Variants in SLC9A9 observed in about 807,000 individuals in gnomAD.
The protein encoded by SLC9A9 is sodium/hydrogen exchanger 9.
In SLC9A9, 62 loss-of-function variants were observed where a neutral mutation model predicts 77.8. The observed-to-expected ratio is 0.80, with a 90% CI of 0.65 to 0.98. The LOEUF is 0.98. Among genes scored for constraint, SLC9A9 ranks in the 50% least tolerant of loss-of-function variants. SLC9A9 has a pLI of 0.00. For synonymous variants in SLC9A9, 320 were observed against 283.5 expected (o/e 1.13, Z -1.29); for missense variants, 775 against 774.9 (o/e 1.00, Z 0.00).
chr3:143,708,695 T>A (rs1934060029), intron 4 of SLC9A9, among the ~76,000 whole-genome samples: 2 of 152,206 alleles, frequency 1.3e-5, no homozygotes, highest in Admixed American at 6.5e-5. Flanking sequence ...AATATTCTTA[T>A]GTGACTAATT....
chr3:143,669,559 T>C (rs2039126138), intron 5 of SLC9A9, among the ~76,000 whole-genome samples: 1 of 152,230 alleles, frequency 6.6e-6, no homozygotes, highest in Non-Finnish European at 1.5e-5. Context: ...TTATCTATTA[T>C]TGTGTCCAAT....
intron 6 of SLC9A9, among the ~76,000 whole-genome samples, chr3:143,629,422 T>G (rs1534161): frequency 7.9e-5 from 12 of 152,020 alleles, no homozygotes; most frequent in Non-Finnish European, 1.2e-4. Flanking sequence ...AATTATGATA[T>G]GTGCTACGAT....
chr3:143,644,532 A>G (rs950659453), intron 6 of SLC9A9, among the ~76,000 whole-genome samples: 8 of 152,228 alleles, frequency 5.3e-5, no homozygotes, highest in African/African-American at 1.7e-4. Context: ...ACCAGGGAAC[A>G]GGAATGAGAG....
Position 143,816,521 on chromosome 3 carries a change from T to G in SLC9A9, c.378+15498A>C, listed in dbSNP as rs546675864. Among the ~76,000 whole-genome samples the G allele has an allele frequency of 5.3e-5, 8 of 152,380 alleles. No homozygotes were observed. In the South Asian group the frequency reaches 1.7e-3, roughly 32 times the overall value. ...ATTAATATACAAGTGATCTCATCCATTCACTTAAACTGCTGTGTAATGTTC... is the reference window on the plus strand; with the variant it reads ...ATTAATATACAAGTGATCTCATCCAGTCACTTAAACTGCTGTGTAATGTTC... On this transcript the variant is annotated intron_variant, in intron 2 of 15. Coordinates refer to ENST00000316549, the MANE Select transcript of SLC9A9 (RefSeq NM_173653.4).
chr3:143,746,949 T>C (rs919582311), intron 4 of SLC9A9, among the ~76,000 whole-genome samples: 14 of 152,190 alleles, frequency 9.2e-5, no homozygotes, highest in Admixed American at 5.2e-4. Flanking sequence ...AGTTTAATTG[T>C]TTTTTCCTTC....
chr3:143,616,897 T>A (rs1010587834), intron 6 of SLC9A9, among the ~76,000 whole-genome samples: 1 of 152,130 alleles, frequency 6.6e-6, no homozygotes, highest in Non-Finnish European at 1.5e-5. Flanking sequence ...ATAAATTAGA[T>A]ACTAGATAAG....
chr3:143,766,549 G>A (rs1392340699), intron 4 of SLC9A9, among the ~76,000 whole-genome samples: 1 of 152,062 alleles, frequency 6.6e-6, no homozygotes, highest in Non-Finnish European at 1.5e-5. Flanking sequence ...TTTCTTAGCT[G>A]TAGGTGGAGG....
chr3:143,513,581 T>C (rs181884174), intron 9 of SLC9A9, among the ~76,000 whole-genome samples: 26 of 152,334 alleles, frequency 1.7e-4, no homozygotes, highest in Admixed American at 1.7e-3. Context: ...CTTAATAGCA[T>C]TTAGAATGGT....
At chr3:143,342,589 C>G (rs888439404) in intron 14 of SLC9A9, among the ~76,000 whole-genome samples, 5 of 152,190 alleles carry the variant, frequency 3.3e-5, no homozygotes, top group African/African-American at 1.2e-4. Context: ...GAGCAGGACT[C>G]ACAAATAAAA....
intron 12 of SLC9A9, among the ~76,000 whole-genome samples, chr3:143,408,009 T>C (rs1028553901): frequency 3.9e-5 from 6 of 152,178 alleles, no homozygotes; most frequent in African/African-American, 1.2e-4. Context: ...GCTTTTCTTG[T>C]GGGTTGCAGA....
At chr3:143,636,796 G>A (rs1388888125) in intron 6 of SLC9A9, among the ~76,000 whole-genome samples, 1 of 152,180 alleles carries the variant, frequency 6.6e-6, no homozygotes, top group Non-Finnish European at 1.5e-5. Flanking sequence ...CAGTGAGCCT[G>A]ACAACATGCA....
At chr3:143,576,968 C>T (rs952515703) in intron 7 of SLC9A9, among the ~76,000 whole-genome samples, 9 of 152,248 alleles carry the variant, frequency 5.9e-5, no homozygotes, top group Admixed American at 2.0e-4. Context: ...CTCCAATAGC[C>T]AGCCAATCAC....
At chr3:143,797,995 C>T (rs1481545359) in intron 2 of SLC9A9, among the ~76,000 whole-genome samples, 6 of 152,206 alleles carry the variant, frequency 3.9e-5, no homozygotes, top group Non-Finnish European at 8.8e-5. Context: ...AACCCCTGTC[C>T]TCCTGCTCTT....
intron 14 of SLC9A9, among the ~76,000 whole-genome samples, chr3:143,357,790 G>A (rs1054484824): frequency 6.6e-5 from 10 of 152,114 alleles, no homozygotes; most frequent in Non-Finnish European, 1.5e-4. Context: ...CTTTGTTCCT[G>A]TGAGAGTTTT....
At chr3:143,803,675 A>G (rs369444673) in intron 2 of SLC9A9, among the ~76,000 whole-genome samples, 67 of 152,084 alleles carry the variant, frequency 4.4e-4, no homozygotes, top group African/African-American at 1.6e-3. Flanking sequence ...GCCACCCTCT[A>G]TCTCTCCCCA....
At chr3:143,843,036 T>G (rs993003424) in intron 1 of SLC9A9, among the ~76,000 whole-genome samples, 2 of 152,026 alleles carry the variant, frequency 1.3e-5, no homozygotes, top group Admixed American at 1.3e-4. Context: ...CCCAAAATAA[T>G]GCATCTAGCT....
chr3:143,445,117 T>G (rs911810841), intron 12 of SLC9A9, among the ~76,000 whole-genome samples: 9 of 151,992 alleles, frequency 5.9e-5, no homozygotes, highest in African/African-American at 1.9e-4. Flanking sequence ...CACATGTCAA[T>G]CAATAGGAAA....
intron 6 of SLC9A9, among the ~76,000 whole-genome samples, chr3:143,651,967 T>G (rs1338729607): frequency 8.1e-6 from 1 of 123,142 alleles, no homozygotes; most frequent in Non-Finnish European, 1.7e-5. Context: ...TGAAAAAAGC[T>G]CATTTATGTG....
At chr3:143,752,812 A>G (rs2006781183) in intron 4 of SLC9A9, among the ~76,000 whole-genome samples, 1 of 152,126 alleles carries the variant, frequency 6.6e-6, no homozygotes, top group Non-Finnish European at 1.5e-5. Context: ...CTTTGCTCCC[A>G]TAATCTGCTT....
Sources: gnomAD v4.1 joint callset for allele counts (sites outside exome capture counted in the v4.1 genomes callset) on GRCh38, gnomAD v4.1.1 for gene constraint, MANE v1.5 for transcripts, NCBI Gene and HGNC (gene_info 2026-07-23, HGNC 2026-07-21) for gene names.